Variants in GNAQ observed in about 807,000 individuals in gnomAD.
GNAQ encodes the protein guanine nucleotide-binding protein G(q) subunit alpha.
Under a neutral mutation model 43.9 loss-of-function variants are expected in GNAQ, and 8 were observed. The observed-to-expected ratio is 0.18, with a 90% CI of 0.11 to 0.33. The LOEUF is 0.33. Among genes scored for constraint, GNAQ ranks in the 10% least tolerant of loss-of-function variants. The pLI is 1.00. For missense variants in GNAQ, 158 were observed against 450.8 expected (o/e 0.35, Z 5.88); for synonymous variants, 155 against 170.7 (o/e 0.91, Z 0.71).
intron 3 of GNAQ, among the ~76,000 whole-genome samples, chr9:77,808,308 GA>G (rs1406383265): frequency 6.6e-6 from 1 of 151,234 alleles, no homozygotes; most frequent in African/African-American, 2.4e-5. Flanking sequence ...GAATAATAAA[GA>G]CCACATCTTA....
At chr9:77,941,819 T>A (rs1190883873) in intron 1 of GNAQ, among the ~76,000 whole-genome samples, 1 of 151,948 alleles carries the variant, frequency 6.6e-6, no homozygotes, top group Admixed American at 6.6e-5. Flanking sequence ...CTGTTGACAA[T>A]ATATTGCCAA....
chr9:77,834,124 CAAT>C (rs753433373), intron 2 of GNAQ, among the ~76,000 whole-genome samples: 4 of 152,252 alleles, frequency 2.6e-5, no homozygotes, highest in Non-Finnish European at 4.4e-5. Context: ...AATTACACAA[CAAT>C]GATTTAGTGT....
chr9:77,871,640 G>A (rs1444511553), intron 2 of GNAQ, among the ~76,000 whole-genome samples: 1 of 151,990 alleles, frequency 6.6e-6, no homozygotes, highest in African/African-American at 2.4e-5. Context: ...CTGCCTCTTG[G>A]TGGCTTCCTC....
rs555010368 is a variant in GNAQ at position 77,966,264 on chromosome 9, A to G, written c.137-43919T>C. 3.9e-5 allele frequency among the ~76,000 whole-genome samples: 6 copies of G among 152,322 alleles called. No homozygotes were observed. The South Asian group carries it at 1.0e-3, about 26-fold the overall frequency. ...ATGGTGGTGATGATTTCATAGACAC[A>G]TGTAAGTGACAAAACATCAAATTCT... On this transcript the variant is annotated intron_variant, in intron 1 of 6. Coordinates refer to ENST00000286548, the MANE Select transcript of GNAQ (RefSeq NM_002072.5).
At chr9:78,013,959 A>G (rs1229979356) in intron 1 of GNAQ, among the ~76,000 whole-genome samples, 1 of 152,140 alleles carries the variant, frequency 6.6e-6, no homozygotes, top group Non-Finnish European at 1.5e-5. Flanking sequence ...AGGTGAAAAA[A>G]ATTTCCCTCC....
Position 77,841,878 on chromosome 9 carries a change from C to T in GNAQ, c.322-26108G>A, listed in dbSNP as rs527570339. On this transcript the variant is annotated intron_variant, in intron 2 of 6. Coordinates refer to ENST00000286548, the MANE Select transcript of GNAQ (RefSeq NM_002072.5). The stretch of plus-strand genomic sequence containing the variant: ...TCAGTGGTTTCTTGGTAAGGTAAAA[C>T]GCTTCTATTCTGTGTCTTCAAGTTG... Among the ~76,000 whole-genome samples the T allele has an allele frequency of 1.8e-4, 28 of 152,234 alleles. No homozygotes were observed. In the South Asian group the frequency reaches 4.1e-3, roughly 23 times the overall value.
intron 2 of GNAQ, among the ~76,000 whole-genome samples, chr9:77,841,175 C>T (rs893617109): frequency 6.6e-6 from 1 of 152,154 alleles, no homozygotes; most frequent in East Asian, 1.9e-4. Context: ...TATTTTCTGC[C>T]CCCATGGGAG....
Position 77,797,401 on chromosome 9 carries a change from A to G in GNAQ, c.605+119T>C, listed in dbSNP as rs1189557272. 1.4e-5 allele frequency: 10 copies of G among 735,286 alleles called. No individual in the cohort carries two copies. The East Asian group carries it at 2.4e-4, about 18-fold the overall frequency. The allele number at this position is 735,286 out of a possible 1,614,324, so 45.5% of individuals were successfully genotyped here. On this transcript the variant is annotated intron_variant, in intron 4 of 6. Transcript: ENST00000286548. ...TTTTATTTGTATAACTAATGATAATAATTGGTATAAAGCCTATCTTGTTTT... is the reference window on the plus strand; with the variant it reads ...TTTTATTTGTATAACTAATGATAATGATTGGTATAAAGCCTATCTTGTTTT...
intron 2 of GNAQ, among the ~76,000 whole-genome samples, chr9:77,856,103 G>A (rs1827750455): frequency 6.6e-6 from 1 of 152,164 alleles, no homozygotes; most frequent in East Asian, 1.9e-4. Context: ...GGCATGGGTA[G>A]TGCTGGCTTT....
intron 1 of GNAQ, among the ~76,000 whole-genome samples, chr9:78,025,343 T>G (rs1370000395): frequency 6.6e-6 from 1 of 152,256 alleles, no homozygotes; most frequent in Non-Finnish European, 1.5e-5. Flanking sequence ...TGTTTGGGTC[T>G]GAGAGCAGCT....
intron 2 of GNAQ, among the ~76,000 whole-genome samples, chr9:77,841,043 T>C (rs560386947): frequency 1.3e-5 from 2 of 152,184 alleles, no homozygotes; most frequent in East Asian, 1.9e-4. Context: ...GCTCATACTG[T>C]TACACGTGAA....
At chr9:77,891,120 C>A (rs902902330) in intron 2 of GNAQ, among the ~76,000 whole-genome samples, 1 of 152,166 alleles carries the variant, frequency 6.6e-6, no homozygotes, top group African/African-American at 2.4e-5. Context: ...GCACTGAAGT[C>A]AGCACTTAAG....
chr9:78,030,993 G>T, intron 1 of GNAQ, 107 bp downstream of exon 1: 1 of 840,218 alleles, frequency 1.2e-6, no homozygotes, highest in South Asian at 4.0e-5. Context: ...GGGTAGGGGC[G>T]AACCGCGGGC....
intron 1 of GNAQ, among the ~76,000 whole-genome samples, chr9:77,945,803 A>C (rs1369455244): frequency 6.6e-6 from 1 of 152,172 alleles, no homozygotes; most frequent in Non-Finnish European, 1.5e-5. Context: ...TGAACTTTAC[A>C]CCTCATCCAA....
At chr9:77,829,029 C>A (rs746911185) in intron 2 of GNAQ, among the ~76,000 whole-genome samples, 7 of 152,194 alleles carry the variant, frequency 4.6e-5, no homozygotes, top group Non-Finnish European at 1.0e-4. Context: ...CTTTTAGGTG[C>A]TGGATCACAA....
intron 5 of GNAQ, among the ~76,000 whole-genome samples, chr9:77,738,935 ATACT>A (rs1825612328): frequency 1.3e-5 from 2 of 152,090 alleles, no homozygotes; most frequent in Admixed American, 6.6e-5. Flanking sequence ...CTACTGTGAA[ATACT>A]TAGTTTTTTT....
At chr9:77,814,063 G>C (rs919315496) in intron 3 of GNAQ, among the ~76,000 whole-genome samples, 1 of 152,134 alleles carries the variant, frequency 6.6e-6, no homozygotes, top group African/African-American at 2.4e-5. Flanking sequence ...AATGATGGAT[G>C]AGACAGCAGC....
chr9:78,011,014 G>A (rs559263071), intron 1 of GNAQ, among the ~76,000 whole-genome samples: 20 of 152,256 alleles, frequency 1.3e-4, no homozygotes, highest in South Asian at 2.1e-4. Flanking sequence ...CTAAAAGCAA[G>A]ACTACTTTGC....
chr9:77,805,176 C>T (rs1456757321), intron 3 of GNAQ, among the ~76,000 whole-genome samples: 1 of 152,070 alleles, frequency 6.6e-6, no homozygotes, highest in African/African-American at 2.4e-5. Context: ...TACTCTAGTC[C>T]CTTCCTCATC....
Sources: allele counts gnomAD v4.1 joint callset (sites outside exome capture counted in the v4.1 genomes callset), GRCh38; gene constraint gnomAD v4.1.1; transcripts MANE v1.5; gene names NCBI Gene and HGNC (gene_info 2026-07-23, HGNC 2026-07-21).